The following DST variants were observed in gnomAD, a reference collection of about 807,000 sequenced individuals.
DST encodes bullous pemphigoid antigen.
Under a neutral mutation model 875.2 loss-of-function variants are expected in DST, and 253 were observed. The observed-to-expected ratio is 0.29, with a 90% CI of 0.26 to 0.32. DST has a LOEUF of 0.32. Among genes scored for constraint, DST ranks in the 10% least tolerant of loss-of-function variants. The pLI is 1.00. For missense variants in DST, 8,287 were observed against 9,111.6 expected (o/e 0.91, Z 3.68); for synonymous variants, 3,124 against 3,197.1 (o/e 0.98, Z 0.77).
intron 4 of DST, among the ~76,000 whole-genome samples, chr6:56,788,128 CAAAAAAAAAAAA>C (rs781369739): frequency 6.0e-4 from 16 of 26,600 alleles, no homozygotes; most frequent in East Asian, 2.0e-3. Context: ...GACTCCGTCT[CAAAAAAAAAAAA>C]AAAAAAAAAA....
In DST at chr6:56,851,397, C is replaced by T; in HGVS notation, c.625G>A (p.Asp209Asn). 6.2e-7 allele frequency: 1 copy of T among 1,612,560 alleles called. No homozygotes were observed. The highest frequency in any genetic ancestry group is 8.5e-7 in the Non-Finnish European group (1 of 1,179,742). The change falls in exon 4 of 104, where the codon GAT becomes AAT. Residue 209 changes from aspartate (D) to asparagine (N), a missense_variant and splice_region_variant. Around this residue, in one of 10 missense-constraint regions of DST, gnomAD observed 1,160 missense variants for 1,424.3 expected, o/e 0.81. Transcript: ENST00000680361. The part of the protein sequence containing the change: ...PAERAVLRIA[D>N]ERDKVQKKTF... ...CATCCCCTTCCCCAGATGCTCTTACCTGCTATCCGAAGCACTGCCCTCTCG... is the reference window on the plus strand; with the variant it reads ...CATCCCCTTCCCCAGATGCTCTTACTTGCTATCCGAAGCACTGCCCTCTCG...
intron 2 of DST, among the ~76,000 whole-genome samples, chr6:56,901,374 T>A (rs1020703587): frequency 7.2e-5 from 11 of 152,202 alleles, no homozygotes; most frequent in Non-Finnish European, 1.5e-4. Context: ...GGCGGGTGGA[T>A]CACCTGAGGT....
Position 56,701,981 on chromosome 6 carries a change from TG to T in DST, c.877-17del. 1.9e-6 allele frequency: 3 copies of T among 1,549,990 alleles called. No individual in the cohort carries two copies. The highest frequency in any genetic ancestry group is 1.7e-5 in the Admixed American group (1 of 58,696). On this transcript the variant is annotated splice_polypyrimidine_tract_variant and intron_variant, in intron 7 of 103. Coordinates refer to ENST00000680361, the MANE Select transcript of DST (RefSeq NM_001374736.1). Reference sequence around the variant, plus strand: ...TTTCTCTGGGCTAAGAACAGAAAAATGCAGGTATGAAAAAGAGTTTCTGTTA... The same window carrying T: ...TTTCTCTGGGCTAAGAACAGAAAAATCAGGTATGAAAAAGAGTTTCTGTTA...
chr6:56,871,242 A>G, intron 3 of DST: 1 of 772,762 alleles, frequency 1.3e-6, no homozygotes, highest in Non-Finnish European at 2.4e-6. Context: ...ATGCAAATCA[A>G]GAGGTTCAAA....
chr6:56,628,080 C>T lies in DST; in HGVS notation c.4557G>A (p.Gln1519=). ...TYHPLDDWIQ[Q]VETTQRKIQE... is the part of the protein sequence containing the mutation. ...GAATCTTTCTCTGAGTAGTTTCAAC[C>T]TGCTGGATCCAATCATCTAAAGGAT... is the stretch of plus-strand genomic sequence containing the variant. The change falls in exon 33 of 104, where the codon CAG becomes CAA. Residue 1519 remains glutamine (Q), a synonymous_variant. Coordinates refer to ENST00000680361, the MANE Select transcript of DST (RefSeq NM_001374736.1). 1 of 1,613,708 alleles carries T rather than the reference C, an allele frequency of 6.2e-7. No individual in the cohort carries two copies. Among genetic ancestry groups the T allele is most frequent in the Middle Eastern group, 1.7e-4 (1 of 6,060 alleles).
intron 2 of DST, among the ~76,000 whole-genome samples, chr6:56,905,825 T>A (rs1796163193): frequency 6.6e-6 from 1 of 152,228 alleles, no homozygotes; most frequent in Admixed American, 6.5e-5. Flanking sequence ...ATTTTTATAT[T>A]TTTAGTAGAG....
chr6:56,555,755 T>C lies in DST; in HGVS notation c.14726A>G (p.Glu4909Gly), dbSNP rs781119254. The change falls in exon 60 of 104, where the codon GAA becomes GGA. Residue 4909 changes from glutamate (E) to glycine (G), a missense_variant. Physicochemically the swap from Glu to Gly is moderately conservative, Grantham distance 98. Around this residue, in one of 10 missense-constraint regions of DST, gnomAD observed 1,513 missense variants for 1,677.8 expected, o/e 0.90. Coordinates refer to ENST00000680361, the MANE Select transcript of DST (RefSeq NM_001374736.1). The part of the protein sequence containing the change: ...AGQGILSRPG[E>G]DPSLRGIVKE... ...CACAATCCCACGTAAAGAAGGGTCT[T>C]CTCCAGGCCTGCTCAGAATGCCCTG... The C allele has an allele frequency of 2.9e-5, 46 of 1,598,552 alleles. No individual in the cohort carries two copies. Among genetic ancestry groups the C allele is most frequent in the Non-Finnish European group, 3.9e-5 (46 of 1,168,288 alleles).
rs753127653 is a variant in DST, at chr6:56,625,182, C to T, written c.4805G>A (p.Ser1602Asn). Residue 1602 changes from serine (S) to asparagine (N), a missense_variant, in exon 35 of 104, where the codon AGT (serine) becomes AAT (asparagine). Ser to Asn is a conservative substitution (Grantham distance 46). Coordinates refer to ENST00000680361, the MANE Select transcript of DST (RefSeq NM_001374736.1). ...KSPVKRRRMQ[S>N]SADLIIQEFM... ...CTCTTGAATAATGAGATCTGCTGAA[C>T]TCTGCATTCTTCGGCGTTTCACTGG... 1.2e-6 allele frequency: 2 copies of T among 1,612,970 alleles called. No homozygotes were observed. The highest frequency in any genetic ancestry group is 2.2e-5 in the South Asian group (2 of 91,054).
rs928902773 is a variant in DST, at chr6:56,699,671, T to C, written c.1029A>G (p.Thr343=). Reference sequence around the variant, plus strand: ...GGCTTACCTGAAAGTGCAAAATTATTGTCCAGATTAATCCCAAAGTCAATT... The same window carrying C: ...GGCTTACCTGAAAGTGCAAAATTATCGTCCAGATTAATCCCAAAGTCAATT... ...NPKLTLGLIW[T]IILHFQISDI... is the part of the protein sequence containing the mutation. The change falls in exon 9 of 104, where the codon ACA becomes ACG. Residue 343 remains threonine (T), a synonymous_variant. Transcript: ENST00000680361. 7 of 1,526,142 alleles carry C rather than the reference T, an allele frequency of 4.6e-6. No individual in the cohort carries two copies. The African/African-American group carries it at 5.6e-5, about 12-fold the overall frequency. 94.5% of individuals were successfully genotyped at this position (1,526,142 alleles called of 1,614,324 possible). A position where few individuals can be genotyped will look rare whatever the true frequency, so the allele number is the denominator to read the frequency against.
intron 92 of DST, among the ~76,000 whole-genome samples, chr6:56,474,960 C>CAA (rs386407168): frequency 0.25 from 7,784 of 31,304 alleles, 1,833 homozygotes; most frequent in Middle Eastern, 0.42. Context: ...CCCTGCCTCT[C>CAA]AAAAAAAAAA....
chr6:56,876,659 C>T (rs1272910135), intron 3 of DST, among the ~76,000 whole-genome samples: 1 of 152,230 alleles, frequency 6.6e-6, no homozygotes, highest in Non-Finnish European at 1.5e-5. Flanking sequence ...TTCTAAATGG[C>T]TGAAATGTGC....
chr6:56,672,255 G>C (rs933238941), intron 9 of DST, among the ~76,000 whole-genome samples: 1 of 152,122 alleles, frequency 6.6e-6, no homozygotes, highest in Non-Finnish European at 1.5e-5. Context: ...TGTTGGAAAT[G>C]ATGGGGGGCC....
intron 2 of DST, among the ~76,000 whole-genome samples, chr6:56,916,778 T>TCTCTCTCACA (rs1470233953): frequency 2.6e-4 from 24 of 91,342 alleles, no homozygotes; most frequent in African/African-American, 6.6e-4. Context: ...TCTCTCTCTC[T>TCTCTCTCACA]CACACACACA....
At position 56,497,868 on chromosome 6, in the gene DST, A is replaced by G; in HGVS notation, c.20082T>C (p.Gly6694=). 6.2e-7 allele frequency: 1 copy of G among 1,609,814 alleles called. No homozygotes were observed. The highest frequency in any genetic ancestry group is 8.5e-7 in the Non-Finnish European group (1 of 1,177,572). Reference sequence around the variant, plus strand: ...TTCTCTTACTCACCTGGCGCAAGGCACCATCCAGCTGCTGCTTCCTTTGTT... The same window carrying G: ...TTCTCTTACTCACCTGGCGCAAGGCGCCATCCAGCTGCTGCTTCCTTTGTT... ...KTEQRKQQLD[G]ALRQAKGFHG... is the part of the protein sequence containing the mutation. The change falls in exon 81 of 104, where the codon GGT becomes GGC. Residue 6694 remains glycine, a synonymous_variant. Coordinates refer to ENST00000680361, the MANE Select transcript of DST (RefSeq NM_001374736.1).
intron 28 of DST, 135 bp downstream of exon 28, chr6:56,632,719 C>T (rs189885305): frequency 1.8e-5 from 13 of 720,510 alleles, no homozygotes; most frequent in Non-Finnish European, 2.6e-5. Context: ...ATGCTTTTAC[C>T]GTTCCACCAA....
At chr6:56,763,088 G>C (rs1564054424) in intron 4 of DST, among the ~76,000 whole-genome samples, 1 of 151,994 alleles carries the variant, frequency 6.6e-6, no homozygotes, top group African/African-American at 2.4e-5. Context: ...GACCTCAGGT[G>C]ATCTGCCCAT....
intron 55 of DST, among the ~76,000 whole-genome samples, chr6:56,564,162 T>G (rs2097602088): frequency 6.6e-6 from 1 of 152,260 alleles, no homozygotes; most frequent in South Asian, 2.1e-4. Flanking sequence ...CAAATTACTT[T>G]GGGTAGTGTG....
chr6:56,947,599 A>G (rs1380336957), intron 2 of DST, among the ~76,000 whole-genome samples: 3 of 152,206 alleles, frequency 2.0e-5, no homozygotes, highest in African/African-American at 7.2e-5. Context: ...TGTTCAAATA[A>G]AATAATGTTA....
rs748729577 is a variant in DST, at chr6:56,529,542, A to G, written c.17501T>C (p.Met5834Thr). 43 of 1,613,560 alleles carry G rather than the reference A, an allele frequency of 2.7e-5. No individual in the cohort carries two copies. The South Asian group carries it at 4.6e-4, about 17-fold the overall frequency. The change falls in exon 66 of 104, where the codon ATG (methionine) becomes ACG (threonine). Residue 5834 changes from methionine (M) to threonine (T), a missense_variant. Met to Thr is a moderately conservative substitution (Grantham distance 81). Transcript: ENST00000680361. Reference protein sequence around the residue: ...KIFGEDEVELMNWLNEVHDKL... With the variant: ...KIFGEDEVELTNWLNEVHDKL... ...GTCATGCACTTCATTCAGCCAGTTC[A>G]TCAGTTCAACTTCATCTTCCCCAAA...
Sources: gnomAD v4.1 joint callset for allele counts (sites outside exome capture counted in the v4.1 genomes callset) on GRCh38, gnomAD v4.1.1 for gene constraint, gnomAD v4.1.1 regional missense constraint, MANE v1.5 for transcripts, NCBI Gene and HGNC (gene_info 2026-07-23, HGNC 2026-07-21) for gene names.